The following HDAC9 variants were observed in gnomAD, a reference collection of about 807,000 sequenced individuals.
The protein encoded by HDAC9 is histone deacetylase 9.
HDAC9 carries 41 observed loss-of-function variants against 139.4 expected under a neutral mutation model. That is an observed-to-expected ratio of 0.29 (90% CI 0.23 to 0.38). The LOEUF is 0.38. HDAC9 is among the 10% of genes least tolerant of loss of function. The pLI, the probability that HDAC9 is intolerant of heterozygous loss-of-function variation, is 1.00. For synonymous variants in HDAC9, 517 were observed against 476.2 expected, an observed-to-expected ratio of 1.09 and a Z score of -1.12; for missense variants, 1,147 against 1,297.0, an observed-to-expected ratio of 0.88 and a Z score of 1.78.
intron 13 of HDAC9, among the ~76,000 whole-genome samples, chr7:18,740,466 C>T (rs910643901): frequency 1.2e-4 from 18 of 152,168 alleles, no homozygotes; most frequent in Non-Finnish European, 2.6e-4. Context: ...ATGAACCACA[C>T]CCAATCAAGA....
chr7:18,203,337 C>T (rs1160393045), intron 2 of HDAC9, among the ~76,000 whole-genome samples: 2 of 152,140 alleles, frequency 1.3e-5, no homozygotes, highest in Non-Finnish European at 2.9e-5. Context: ...ATTACTGGCA[C>T]CGATTTTGGC....
intron 24 of HDAC9, among the ~76,000 whole-genome samples, chr7:18,956,469 G>C (rs917553018): frequency 2.0e-5 from 3 of 152,090 alleles, no homozygotes; most frequent in Admixed American, 2.0e-4. Context: ...CAGCAGGTGT[G>C]AGGTGCTTGG....
At chr7:18,895,279 G>A (rs1801083373) in intron 22 of HDAC9, among the ~76,000 whole-genome samples, 1 of 152,138 alleles carries the variant, frequency 6.6e-6, no homozygotes, top group Non-Finnish European at 1.5e-5. Context: ...GAGTAAAAGA[G>A]ACAAGTGATT....
Position 18,996,182 on chromosome 7 carries a change from C to A in HDAC9, c.*120C>A. On this transcript the variant is annotated 3_prime_UTR_variant, in exon 26 of 26. Coordinates refer to ENST00000686413, the MANE Select transcript of HDAC9 (RefSeq NM_178425.4). ...TGGCACAGATTCAATGGAACATAAA[C>A]ACTGGGCACAAAATTCTGAACAGCA... 1 of 648,700 alleles carries A rather than the reference C, an allele frequency of 1.5e-6. No homozygotes were observed. Among genetic ancestry groups the A allele is most frequent in the Non-Finnish European group, 2.7e-6 (1 of 374,920 alleles). The allele number at this position is 648,700 out of a possible 1,614,324, so 40.2% of individuals were successfully genotyped here. A position where few individuals can be genotyped will look rare whatever the true frequency, so the allele number is the denominator to read the frequency against.
At position 18,695,514 on chromosome 7, in the gene HDAC9, C is replaced by G. The variant is rs557679512; in HGVS notation, c.1731+29038C>G. 3.3e-5 allele frequency among the ~76,000 whole-genome samples: 5 copies of G among 152,242 alleles called. No homozygotes were observed. The South Asian group carries it at 1.0e-3, about 32-fold the overall frequency. ...TCTTAACACAGCATAGTGACACTTC[C>G]AATCAGTGACCAGAATGGGACTTAG... is the stretch of plus-strand genomic sequence containing the variant. On this transcript the variant is annotated intron_variant, in intron 12 of 25. Transcript: ENST00000686413.
chr7:18,091,983 G>A (rs1782180921), intron 1 of HDAC9, among the ~76,000 whole-genome samples: 2 of 152,188 alleles, frequency 1.3e-5, no homozygotes, highest in Admixed American at 6.5e-5. Flanking sequence ...ATAAGAAAGA[G>A]TCTTATATAC....
At chr7:18,862,138 T>C (rs529965880) in intron 21 of HDAC9, among the ~76,000 whole-genome samples, 27 of 152,276 alleles carry the variant, frequency 1.8e-4, no homozygotes, top group Admixed American at 5.9e-4. Flanking sequence ...TCTAGCGTCA[T>C]CAAAGGAAAG....
chr7:18,591,702 G>A, intron 5 of HDAC9, 60 bp downstream of exon 5: 1 of 1,586,148 alleles, frequency 6.3e-7, no homozygotes, highest in Non-Finnish European at 8.6e-7. Context: ...TCTGTATTTA[G>A]CCGACCTGGG....
chr7:18,947,738 C>G (rs1036636025), intron 23 of HDAC9, among the ~76,000 whole-genome samples: 14 of 151,820 alleles, frequency 9.2e-5, no homozygotes, highest in Admixed American at 2.0e-4. Flanking sequence ...AGGAAGAATC[C>G]ATCACAAATA....
intron 2 of HDAC9, among the ~76,000 whole-genome samples, chr7:18,198,024 G>C (rs1444569730): frequency 6.6e-6 from 1 of 152,086 alleles, no homozygotes; most frequent in Non-Finnish European, 1.5e-5. Context: ...AATATCTATA[G>C]GCTGAAAATT....
intron 22 of HDAC9, among the ~76,000 whole-genome samples, chr7:18,875,817 C>T (rs1799279161): frequency 2.0e-5 from 3 of 152,164 alleles, no homozygotes; most frequent in Non-Finnish European, 2.9e-5. Context: ...ATAAACCTCA[C>T]TTGTGGGTCA....
chr7:18,926,053 A>G (rs1359987807), intron 22 of HDAC9, among the ~76,000 whole-genome samples: 2 of 152,164 alleles, frequency 1.3e-5, no homozygotes, highest in Non-Finnish European at 2.9e-5. Flanking sequence ...GCTTTCATTA[A>G]AAGTATAAAT....
At chr7:18,948,969 C>T (rs565731195) in intron 23 of HDAC9, 11 of 386,906 alleles carry the variant, frequency 2.8e-5, no homozygotes, top group African/African-American at 1.9e-4. Flanking sequence ...CAGTTCTTCA[C>T]ATAATTGATG....
In HDAC9 at chr7:18,681,084, G is replaced by C. The variant is rs557021239; in HGVS notation, c.1731+14608G>C. Among the ~76,000 whole-genome samples the C allele has an allele frequency of 3.9e-5, 6 of 152,044 alleles. No individual in the cohort carries two copies. The South Asian group carries it at 1.2e-3, about 32-fold the overall frequency. On this transcript the variant is annotated intron_variant, in intron 12 of 25. Coordinates refer to ENST00000686413, the MANE Select transcript of HDAC9 (RefSeq NM_178425.4). ...TACTATTTTGTTGGTAAAAACTGAG[G>C]ACAATTTTCATTGCATCACTTTAGC...
chr7:18,975,187 T>TGACATATGGATGGGCTCCAACATCA (rs1784476290), intron 24 of HDAC9, among the ~76,000 whole-genome samples: 2 of 152,204 alleles, frequency 1.3e-5, no homozygotes, highest in Admixed American at 1.3e-4. Flanking sequence ...AACATCAGTA[T>TGACATATGGATGGGCTCCAACATCA]GACATATGGA....
At chr7:18,369,801 GTGTC>G (rs1362441579) in intron 1 of HDAC9, among the ~76,000 whole-genome samples, 1 of 152,056 alleles carries the variant, frequency 6.6e-6, no homozygotes, top group Non-Finnish European at 1.5e-5. Flanking sequence ...TGCGCTCACT[GTGTC>G]TGTCCCTGCC....
chr7:18,897,032 T>C (rs184404429), intron 22 of HDAC9, among the ~76,000 whole-genome samples: 40 of 152,202 alleles, frequency 2.6e-4, no homozygotes, highest in South Asian at 1.5e-3. Context: ...CAATATGTAT[T>C]CATTAAGTCT....
At chr7:18,271,362 A>G (rs1028832023) in intron 2 of HDAC9, among the ~76,000 whole-genome samples, 4 of 152,174 alleles carry the variant, frequency 2.6e-5, no homozygotes, top group African/African-American at 7.2e-5. Flanking sequence ...TTGCCTAAGC[A>G]CACATTAGAT....
rs113667106 is a variant in HDAC9, at chr7:18,455,728, G to C, written c.-41-40534G>C. On this transcript the variant is annotated intron_variant, in intron 1 of 3. Transcript: ENST00000413509. Reference sequence around the variant, plus strand: ...ACAGCACAGTTGGGTCACAAATTATGTTTCTAAATTTAGAAGGTGAATCTC... The same window carrying C: ...ACAGCACAGTTGGGTCACAAATTATCTTTCTAAATTTAGAAGGTGAATCTC... 7.7e-3 allele frequency among the ~76,000 whole-genome samples: 1,175 copies of C among 152,204 alleles called. 15 individuals are homozygous for C. The highest frequency in any genetic ancestry group is 0.027 in the African/African-American group (1,112 of 41,538).
Sources: gnomAD v4.1 joint callset for allele counts (sites outside exome capture counted in the v4.1 genomes callset) on GRCh38, gnomAD v4.1.1 for gene constraint, MANE v1.5 for transcripts, NCBI Gene and HGNC (gene_info 2026-07-23, HGNC 2026-07-21) for gene names.